The following BMPR2 variants were observed in gnomAD, a reference collection of about 807,000 sequenced individuals.
The protein encoded by BMPR2 is bone morphogenetic protein receptor type-2.
A neutral mutation model predicts 100.8 loss-of-function variants in BMPR2; 29 were observed. The observed-to-expected ratio is 0.29, with a 90% CI of 0.21 to 0.39. The LOEUF (loss-of-function observed/expected upper bound fraction) is 0.39, where lower values mean the gene tolerates loss of function less well. BMPR2 is among the 10% of genes least tolerant of loss of function. BMPR2 has a pLI of 1.00. For synonymous variants in BMPR2, 382 were observed against 442.3 expected, an observed-to-expected ratio of 0.86 and a Z score of 1.71; for missense variants, 1,011 against 1,274.5, an observed-to-expected ratio of 0.79 and a Z score of 3.15.
chr2:202,470,123 C>A (rs925588761), intron 3 of BMPR2, among the ~76,000 whole-genome samples: 7 of 151,694 alleles, frequency 4.6e-5, no homozygotes, highest in Non-Finnish European at 8.8e-5. Flanking sequence ...GCGGGCAGAT[C>A]ACGAGGTAAA....
chr2:202,387,330 C>G (rs528418925), intron 1 of BMPR2, among the ~76,000 whole-genome samples: 1 of 152,310 alleles, frequency 6.6e-6, no homozygotes, highest in African/African-American at 2.4e-5. Context: ...AAGGGCCTTA[C>G]ATATTTACTG....
intron 1 of BMPR2, among the ~76,000 whole-genome samples, chr2:202,403,937 G>C (rs979783229): frequency 6.6e-6 from 1 of 151,516 alleles, no homozygotes; most frequent in Non-Finnish European, 1.5e-5. Flanking sequence ...CCTGGGAGGC[G>C]GAGGTTGTGG....
In BMPR2 at chr2:202,555,326, A is replaced by G; in HGVS notation, c.1661A>G (p.Asp554Gly). 1.2e-6 allele frequency: 2 copies of G among 1,614,028 alleles called. No individual in the cohort carries two copies. Among genetic ancestry groups the G allele is most frequent in the Non-Finnish European group, 1.7e-6 (2 of 1,179,968 alleles). The change falls in exon 12 of 13, where the codon GAC (aspartate) becomes GGC (glycine). Residue 554 changes from aspartate to glycine, a missense_variant. By Grantham distance (94) the Asp-to-Gly change is moderately conservative (BLOSUM62 -1). This residue lies in a region of BMPR2 where 508 missense variants were observed against 552.0 expected (regional missense o/e 0.92). Coordinates refer to ENST00000374580, the MANE Select transcript of BMPR2 (RefSeq NM_001204.7). ...TATTCTTCCTCCTCATACATTGAAG[A>G]CTCTATCCATCATACTGACAGCATC... ...PDYSSSSYIE[D>G]SIHHTDSIVK... is the part of the protein sequence containing the mutation.
At chr2:202,518,644 G>GGTCT (rs1263980343) in intron 5 of BMPR2, among the ~76,000 whole-genome samples, 178 bp from the exon 6 acceptor site, 3 of 151,858 alleles carry the variant, frequency 2.0e-5, no homozygotes, top group African/African-American at 7.3e-5. Flanking sequence ...GGGCAGGCTG[G>GGTCT]GTCTGGTAGG....
At position 202,415,331 on chromosome 2, in the gene BMPR2, T is replaced by C. The variant is rs770546128; in HGVS notation, c.76+37781T>C. ...CTAAAAATACAAAAAATTAGCTGAGTGTGTTGCTGCATGCCTGTAATCCCA... is the reference window on the plus strand; with the variant it reads ...CTAAAAATACAAAAAATTAGCTGAGCGTGTTGCTGCATGCCTGTAATCCCA... On this transcript the variant is annotated intron_variant, in intron 1 of 12. Coordinates refer to ENST00000374580, the MANE Select transcript of BMPR2 (RefSeq NM_001204.7). Among the ~76,000 whole-genome samples, 29 of 151,914 alleles carry C rather than the reference T, an allele frequency of 1.9e-4. 1 individual carries two copies. Among genetic ancestry groups the C allele is most frequent in the Non-Finnish European group, 3.7e-4 (25 of 67,972 alleles).
In BMPR2 at chr2:202,467,539, G is replaced by A. The variant is rs1692349213; in HGVS notation, c.268G>A (p.Asp90Asn). The change falls in exon 3 of 13, where the codon GAT (aspartate) becomes AAT (asparagine). Residue 90 changes from aspartate (D) to asparagine (N), a missense_variant. Asp to Asn is a conservative substitution (Grantham distance 23). This residue lies in a region of BMPR2 where 355 missense variants were observed against 455.3 expected (regional missense o/e 0.78). Transcript: ENST00000374580. The part of the protein sequence containing the change: ...VKQGCWSHIG[D>N]PQECHYEECV... The stretch of plus-strand genomic sequence containing the variant: ...TATAGGATGTTGGTCTCACATTGGA[G>A]ATCCCCAAGAGTGTCACTATGAAGA... 1 of 1,560,938 alleles carries A rather than the reference G, an allele frequency of 6.4e-7. No homozygotes were observed. Among genetic ancestry groups the A allele is most frequent in the African/African-American group, 1.4e-5 (1 of 73,588 alleles).
chr2:202,486,512 G>C (rs558575279), intron 3 of BMPR2, among the ~76,000 whole-genome samples: 14 of 151,862 alleles, frequency 9.2e-5, no homozygotes, highest in South Asian at 6.2e-4. Context: ...CACGCCTGTA[G>C]TCCCAGCTAC....
At chr2:202,396,628 A>G (rs1365715695) in intron 1 of BMPR2, among the ~76,000 whole-genome samples, 5 of 152,328 alleles carry the variant, frequency 3.3e-5, no homozygotes, top group African/African-American at 9.6e-5. Flanking sequence ...GGCAGAGAAC[A>G]TCATAAAGAG....
chr2:202,533,916 T>C (rs986619233), intron 9 of BMPR2, among the ~76,000 whole-genome samples: 1 of 152,214 alleles, frequency 6.6e-6, no homozygotes, highest in Non-Finnish European at 1.5e-5. Flanking sequence ...TCTTAGGGAT[T>C]ACATCGTTGT....
At chr2:202,456,886 G>A (rs1692119602) in intron 1 of BMPR2, among the ~76,000 whole-genome samples, 1 of 152,140 alleles carries the variant, frequency 6.6e-6, no homozygotes, top group Non-Finnish European at 1.5e-5. Flanking sequence ...GAGATTGCAT[G>A]TAAACTATAC....
intron 3 of BMPR2, among the ~76,000 whole-genome samples, chr2:202,488,016 A>G (rs6750950): frequency 0.95 from 144,016 of 152,296 alleles, 68,584 homozygotes; most frequent in East Asian, 1. Context: ...CACTGCGCCC[A>G]GCCTATTTCC....
chr2:202,489,001 C>CTTTT (rs199776901), intron 3 of BMPR2, among the ~76,000 whole-genome samples: 2 of 137,312 alleles, frequency 1.5e-5, no homozygotes, highest in East Asian at 2.1e-4. Context: ...CTTTTTGTTA[C>CTTTT]TTTTTTTTTT....
At chr2:202,511,045 T>C (rs1021960646) in intron 3 of BMPR2, among the ~76,000 whole-genome samples, 1 of 151,066 alleles carries the variant, frequency 6.6e-6, no homozygotes, top group Non-Finnish European at 1.5e-5. Context: ...CATATTAAAA[T>C]GTACCACTCA....
At chr2:202,396,708 C>A (rs1690662579) in intron 1 of BMPR2, among the ~76,000 whole-genome samples, 1 of 152,140 alleles carries the variant, frequency 6.6e-6, no homozygotes, top group Non-Finnish European at 1.5e-5. Context: ...AGAGATATTG[C>A]ATGCTTGGAT....
Position 202,562,889 on chromosome 2 carries a change from T to C in BMPR2, c.*2943T>C, listed in dbSNP as rs1688699204. On this transcript the variant is annotated 3_prime_UTR_variant, in exon 13 of 13. Transcript: ENST00000374580. Reference sequence around the variant, plus strand: ...TAGGAAGTTACAAGAAGGCACATACTGAATGCTGAAGTATACATATGCTAT... The same window carrying C: ...TAGGAAGTTACAAGAAGGCACATACCGAATGCTGAAGTATACATATGCTAT... The C allele has an allele frequency of 6.6e-6, 1 of 152,004 alleles. No homozygotes were observed. The highest frequency in any genetic ancestry group is 6.6e-5 in the Admixed American group (1 of 15,252). 9.4% of individuals were successfully genotyped at this position (152,004 alleles called of 1,614,324 possible).
chr2:202,442,640 C>CT (rs779470381), intron 1 of BMPR2, among the ~76,000 whole-genome samples: 1 of 150,446 alleles, frequency 6.6e-6, no homozygotes, highest in Non-Finnish European at 1.5e-5. Context: ...CACCATTTGA[C>CT]TTTCTGTTTC....
At chr2:202,531,097 G>A (rs1688016056) in intron 8 of BMPR2, 143 bp downstream of exon 8, 5 of 953,784 alleles carry the variant, frequency 5.2e-6, no homozygotes, top group Non-Finnish European at 6.3e-6. Context: ...AAGGTAAAGA[G>A]TTCGAGACCA....
rs1329469492 is a variant in BMPR2, at chr2:202,566,194, CAT to C, written c.*6249_*6250del. The stretch of plus-strand genomic sequence containing the variant: ...TAAAAGGCAACATGTGGGTTTTATC[CAT>C]TTTATTTATACCTTTAGATTTCAGA... On this transcript the variant is annotated 3_prime_UTR_variant, in exon 13 of 13. Transcript: ENST00000374580. 6.6e-6 allele frequency: 1 copy of C among 152,468 alleles called. No individual in the cohort carries two copies. Among genetic ancestry groups the C allele is most frequent in the East Asian group, 1.9e-4 (1 of 5,204 alleles). 9.4% of individuals were successfully genotyped at this position (152,468 alleles called of 1,614,324 possible).
intron 9 of BMPR2, among the ~76,000 whole-genome samples, chr2:202,535,185 A>ACC (rs563261939): frequency 2.5e-5 from 2 of 81,554 alleles, no homozygotes; most frequent in African/African-American, 4.9e-5. Flanking sequence ...CGGGGGGCTG[A>ACC]CCCCCCCCAC....
Sources: allele counts gnomAD v4.1 joint callset (sites outside exome capture counted in the v4.1 genomes callset), GRCh38; gene constraint gnomAD v4.1.1; regional missense constraint gnomAD v4.1.1; transcripts MANE v1.5; gene names NCBI Gene and HGNC (gene_info 2026-07-23, HGNC 2026-07-21).